Variants in SCP2 observed in about 807,000 individuals in gnomAD.
SCP2 encodes SCP-2/3-oxoacyl-CoA thiolase.
Under a neutral mutation model 71.4 loss-of-function variants are expected in SCP2, and 48 were observed. The ratio of observed to expected loss-of-function variants is 0.67; its 90% CI spans 0.53 to 0.86. The LOEUF (loss-of-function observed/expected upper bound fraction) is 0.86, where lower values mean the gene tolerates loss of function less well. Ranked by LOEUF, SCP2 falls within the 40% of genes least tolerant of loss-of-function variation. The pLI is 0.00. For synonymous variants in SCP2, 220 were observed against 218.1 expected (o/e 1.01, Z -0.08); for missense variants, 560 against 655.6 (o/e 0.85, Z 1.59).
intron 11 of SCP2, among the ~76,000 whole-genome samples, chr1:53,012,301 A>G (rs1322226461): frequency 1.7e-4 from 26 of 152,240 alleles, no homozygotes; most frequent in Admixed American, 1.7e-3. Context: ...TATTAGCATT[A>G]GATCATATGC....
At chr1:53,029,893 CT>C (rs751564903) in intron 13 of SCP2, among the ~76,000 whole-genome samples, 2 of 150,974 alleles carry the variant, frequency 1.3e-5, no homozygotes, top group African/African-American at 4.9e-5. Context: ...TCTTTACCCC[CT>C]GTTTTTTTTT....
intron 11 of SCP2, among the ~76,000 whole-genome samples, chr1:53,012,155 A>G (rs1391105539): frequency 6.6e-6 from 1 of 152,190 alleles, no homozygotes; most frequent in Non-Finnish European, 1.5e-5. Context: ...TATCTGACCT[A>G]TCTTGTTTGA....
At chr1:53,000,963 GAAA>G (rs1186025707) in intron 11 of SCP2, among the ~76,000 whole-genome samples, 3 of 151,464 alleles carry the variant, frequency 2.0e-5, no homozygotes, top group Non-Finnish European at 4.4e-5. Context: ...TCCAAAAAAA[GAAA>G]AAAATTATAT....
chr1:53,038,268 G>A (rs981687797), intron 13 of SCP2, among the ~76,000 whole-genome samples: 1 of 148,072 alleles, frequency 6.8e-6, no homozygotes. Flanking sequence ...ACACACACAC[G>A]GAGAAGGGCA....
chr1:52,983,454 A>G (rs1658704213), intron 10 of SCP2, among the ~76,000 whole-genome samples: 1 of 152,110 alleles, frequency 6.6e-6, no homozygotes, highest in South Asian at 2.1e-4. Context: ...AATGATGCAT[A>G]TATTAGACCT....
intron 11 of SCP2, among the ~76,000 whole-genome samples, chr1:52,992,542 T>C (rs1250254494): frequency 6.6e-6 from 1 of 152,234 alleles, no homozygotes; most frequent in Non-Finnish European, 1.5e-5. Context: ...ATCTAAGTCC[T>C]AAATGAGTCC....
Position 52,950,784 on chromosome 1 carries a change from T to C in SCP2, c.229T>C (p.Tyr77His). Residue 77 changes from tyrosine (Y) to histidine (H), a missense_variant, in exon 4 of 16, where the codon TAT becomes CAT. Around this residue, in one of 3 missense-constraint regions of SCP2, gnomAD observed 513 missense variants for 573.1 expected, o/e 0.90. Coordinates refer to ENST00000371514, the MANE Select transcript of SCP2 (RefSeq NM_002979.5). ...CTCTACCTGTGGGCAGAGGGCTATCTATCACAGTTTGGGAATGACTGGAAT... is the reference window on the plus strand; with the variant it reads ...CTCTACCTGTGGGCAGAGGGCTATCCATCACAGTTTGGGAATGACTGGAAT... ...GDSTCGQRAI[Y>H]HSLGMTGIPI... 6.2e-7 allele frequency: 1 copy of C among 1,613,772 alleles called. No homozygotes were observed. Among genetic ancestry groups the C allele is most frequent in the Non-Finnish European group, 8.5e-7 (1 of 1,179,672 alleles).
At chr1:52,980,327 A>G (rs763645452) in intron 9 of SCP2, 69 bp from the exon 10 acceptor site, 1 of 1,408,626 alleles carries the variant, frequency 7.1e-7, no homozygotes, top group Non-Finnish European at 9.9e-7. Flanking sequence ...GCATCTATTA[A>G]TCTCTTAAAA....
chr1:52,943,772 C>T lies in SCP2; in HGVS notation c.127+1919C>T, dbSNP rs6666902. 3,781 of 436,200 alleles carry T rather than the reference C, an allele frequency of 8.7e-3. 44 individuals are homozygous for T. The highest frequency in any genetic ancestry group is 0.031 in the African/African-American group (1,502 of 48,652). The allele number at this position is 436,200 out of a possible 1,614,324, so 27.0% of individuals were successfully genotyped here. On this transcript the variant is annotated intron_variant, in intron 2 of 15. Transcript: ENST00000371514. ...AATCAGTTTAGTGGACTTCTGATAA[C>T]GTCTGATTTCACCGAGTGCCACAGT...
At chr1:52,990,558 C>T (rs1194853248) in intron 11 of SCP2, among the ~76,000 whole-genome samples, 1 of 151,768 alleles carries the variant, frequency 6.6e-6, no homozygotes, top group Non-Finnish European at 1.5e-5. Context: ...CGCAGTGAAA[C>T]ACCGTCTCTA....
chr1:52,929,903 G>A (rs1383764169), intron 1 of SCP2, among the ~76,000 whole-genome samples: 1 of 152,174 alleles, frequency 6.6e-6, no homozygotes, highest in Non-Finnish European at 1.5e-5. Context: ...GATTACAGGC[G>A]TGAGCCACCG....
chr1:52,979,936 C>T (rs1297843535), intron 9 of SCP2, among the ~76,000 whole-genome samples: 1 of 140,770 alleles, frequency 7.1e-6, no homozygotes, highest in Non-Finnish European at 1.6e-5. Flanking sequence ...CTTTCCCTTT[C>T]CTCTCTTTCT....
At chr1:52,942,832 T>G (rs1233832650) in intron 2 of SCP2, among the ~76,000 whole-genome samples, 1 of 151,638 alleles carries the variant, frequency 6.6e-6, no homozygotes, top group African/African-American at 2.4e-5. Context: ...CCCGAGTAGC[T>G]GGGATTACAG....
chr1:52,939,934 T>C (rs1046445634), intron 1 of SCP2, among the ~76,000 whole-genome samples: 10 of 152,144 alleles, frequency 6.6e-5, no homozygotes, highest in African/African-American at 2.4e-4. Context: ...CTTCCTAAAG[T>C]GCTGGGATTA....
intron 13 of SCP2, among the ~76,000 whole-genome samples, chr1:53,034,335 G>T (rs1282340569): frequency 1.3e-5 from 2 of 151,830 alleles, no homozygotes; most frequent in African/African-American, 4.8e-5. Context: ...CCTTGAAAAC[G>T]TCATGCTTAA....
intron 1 of SCP2, chr1:52,934,782 T>A (rs1220000646): frequency 6.7e-6 from 1 of 148,956 alleles, no homozygotes; most frequent in Non-Finnish European, 1.5e-5. Flanking sequence ...CCGGCTAATT[T>A]TTTGTATTTT....
At chr1:53,000,366 A>G (rs1219331649) in intron 11 of SCP2, among the ~76,000 whole-genome samples, 1 of 152,226 alleles carries the variant, frequency 6.6e-6, no homozygotes, top group African/African-American at 2.4e-5. Flanking sequence ...AAAGGACATG[A>G]AAGTGCCTTT....
rs1435559183 is a variant in SCP2 at position 52,972,697 on chromosome 1, C to T, written c.524-2072C>T. Among the ~76,000 whole-genome samples, 15 of 152,298 alleles carry T rather than the reference C, an allele frequency of 9.8e-5. No individual in the cohort carries two copies. In the South Asian group the frequency reaches 3.1e-3, roughly 32 times the overall value. On this transcript the variant is annotated intron_variant, in intron 6 of 15. Coordinates refer to ENST00000371514, the MANE Select transcript of SCP2 (RefSeq NM_002979.5). The stretch of plus-strand genomic sequence containing the variant: ...AATCTCTCACCCTATGGTTTGCATC[C>T]ATGGTCTTGTTTTTGTCTTCTGAGA...
chr1:53,006,008 C>T (rs929913075), intron 11 of SCP2, among the ~76,000 whole-genome samples: 1 of 151,948 alleles, frequency 6.6e-6, no homozygotes, highest in South Asian at 2.1e-4. Context: ...CCGATTTGAT[C>T]AAGTGGAAGA....
Sources: gnomAD v4.1 joint callset for allele counts (sites outside exome capture counted in the v4.1 genomes callset) on GRCh38, gnomAD v4.1.1 for gene constraint, gnomAD v4.1.1 regional missense constraint, MANE v1.5 for transcripts, NCBI Gene and HGNC (gene_info 2026-07-23, HGNC 2026-07-21) for gene names.